The following BCL2L13 variants were observed in gnomAD, a reference collection of about 807,000 sequenced individuals.
BCL2L13 encodes the protein BCL2 like 13.
In BCL2L13, 13 loss-of-function variants were observed where a neutral mutation model predicts 25.8. That is an observed-to-expected ratio of 0.50 (90% CI 0.33 to 0.80). BCL2L13 has a LOEUF of 0.80. BCL2L13 is among the 30% of genes least tolerant of loss of function. BCL2L13 has a pLI of 0.02. For synonymous variants in BCL2L13, 244 were observed against 230.3 expected (o/e 1.06, Z -0.54); for missense variants, 504 against 574.9 (o/e 0.88, Z 1.26).
At chr22:17,651,700 C>CT (rs1601517940) in intron 1 of BCL2L13, among the ~76,000 whole-genome samples, 1 of 143,134 alleles carries the variant, frequency 7.0e-6, no homozygotes, top group African/African-American at 2.6e-5. Context: ...TTCTTAAAGA[C>CT]TTTTTTTTGA....
At chr22:17,715,283 G>A (rs1322861346) in intron 6 of BCL2L13, among the ~76,000 whole-genome samples, 1 of 139,980 alleles carries the variant, frequency 7.1e-6, no homozygotes, top group African/African-American at 2.7e-5. Flanking sequence ...CCAGGCTCTA[G>A]GAATCCTCCT....
At position 17,646,955 on chromosome 22, in the gene BCL2L13, A is replaced by ATT. The variant is rs149460093; in HGVS notation, c.-51+8092_-51+8093dup. 6.8e-3 allele frequency among the ~76,000 whole-genome samples: 151 copies of ATT among 22,188 alleles called. 7 individuals carry two copies. Among genetic ancestry groups the ATT allele is most frequent in the South Asian group, 0.021 (4 of 190 alleles). 14.6% of individuals were successfully genotyped at this position (22,188 alleles called of 152,430 possible). A position where few individuals can be genotyped will look rare whatever the true frequency, so the allele number is the denominator to read the frequency against. On this transcript the variant is annotated intron_variant, in intron 1 of 6. Coordinates refer to ENST00000317582, the MANE Select transcript of BCL2L13 (RefSeq NM_015367.4). ...TACATATATATATATATATATATAT[A>ATT]TTTTTTTTTTTTTTTTTTTTTTTTC...
At chr22:17,689,276 A>AT in intron 4 of BCL2L13, 134 bp downstream of exon 4, 1 of 767,200 alleles carries the variant, frequency 1.3e-6, no homozygotes. Flanking sequence ...CATTTTCTTC[A>AT]TTTTCTTTCC....
intron 3 of BCL2L13, among the ~76,000 whole-genome samples, chr22:17,688,136 T>C (rs1055930878): frequency 2.6e-5 from 4 of 152,108 alleles, no homozygotes; most frequent in Non-Finnish European, 5.9e-5. Context: ...TTTGTATTTT[T>C]AGTAGAGATG....
chr22:17,646,888 T>TTGTG lies in BCL2L13; in HGVS notation c.-51+8034_-51+8037dup, dbSNP rs71201853. On this transcript the variant is annotated intron_variant, in intron 1 of 6. Transcript: ENST00000317582. ...GTGCCTGCCACCACGCCCAGCTAAT[T>TTGTG]TGTGTGTGTGTGTGTGTGTGTGTGT... 3.4e-3 allele frequency among the ~76,000 whole-genome samples: 306 copies of TTGTG among 89,930 alleles called. 3 individuals carry two copies. The highest frequency in any genetic ancestry group is 0.012 in the African/African-American group (273 of 22,414). The allele number at this position is 89,930 out of a possible 152,430, so 59.0% of individuals were successfully genotyped here.
intron 2 of BCL2L13, among the ~76,000 whole-genome samples, chr22:17,681,382 T>G (rs2059750664): frequency 1.3e-5 from 2 of 151,710 alleles, no homozygotes; most frequent in Admixed American, 6.6e-5. Context: ...GGCGGGCGCC[T>G]GTAGTCCCAG....
chr22:17,631,670 G>GTGTATGTATATA (rs1203626385), intron 1 of BCL2L13, among the ~76,000 whole-genome samples: 1 of 26,892 alleles, frequency 3.7e-5, no homozygotes, highest in Non-Finnish European at 6.8e-5. Flanking sequence ...GTGTGTGTGT[G>GTGTATGTATATA]TATATATATA....
rs1569008078 is a variant in BCL2L13, at chr22:17,715,158, A to T, written c.601-11519A>T. ...TATATATATATATATATATATATAT[A>T]TATATATATATATTTTTTTTTTTTT... is the stretch of plus-strand genomic sequence containing the variant. On this transcript the variant is annotated intron_variant, in intron 6 of 6. Transcript: ENST00000317582. Among the ~76,000 whole-genome samples the T allele has an allele frequency of 1.7e-3, 9 of 5,428 alleles. 1 individual carries two copies. The highest frequency in any genetic ancestry group is 0.014 in the South Asian group (1 of 74). 3.6% of individuals were successfully genotyped at this position (5,428 alleles called of 152,430 possible). A position where few individuals can be genotyped will look rare whatever the true frequency, so the allele number is the denominator to read the frequency against.
At chr22:17,712,053 G>C (rs1488791001) in intron 6 of BCL2L13, among the ~76,000 whole-genome samples, 1 of 151,236 alleles carries the variant, frequency 6.6e-6, no homozygotes, top group Non-Finnish European at 1.5e-5. Flanking sequence ...AATTTTTAAT[G>C]TAAGTGAAAG....
At chr22:17,632,545 A>G (rs1306617477) in intron 1 of BCL2L13, among the ~76,000 whole-genome samples, 1 of 152,112 alleles carries the variant, frequency 6.6e-6, no homozygotes, top group Non-Finnish European at 1.5e-5. Context: ...GGTCAGGTTG[A>G]GGTGGAATTA....
chr22:17,717,553 G>T (rs1012106239), intron 6 of BCL2L13, among the ~76,000 whole-genome samples: 29 of 151,972 alleles, frequency 1.9e-4, no homozygotes, highest in African/African-American at 7.0e-4. Flanking sequence ...GCGTCCAAAA[G>T]TGCTGGGATT....
At chr22:17,644,196 A>C (rs1195235310) in intron 1 of BCL2L13, among the ~76,000 whole-genome samples, 5 of 151,468 alleles carry the variant, frequency 3.3e-5, no homozygotes, top group African/African-American at 9.8e-5. Flanking sequence ...AGGCATGAGC[A>C]ACTTTGCCTG....
chr22:17,689,597 C>T (rs2060043763), intron 4 of BCL2L13, among the ~76,000 whole-genome samples: 1 of 152,140 alleles, frequency 6.6e-6, no homozygotes, highest in South Asian at 2.1e-4. Context: ...GTAATCCCAG[C>T]ACTTTGGGAG....
intron 6 of BCL2L13, among the ~76,000 whole-genome samples, chr22:17,725,960 A>G (rs1174114320): frequency 6.6e-6 from 1 of 151,894 alleles, no homozygotes; most frequent in Non-Finnish European, 1.5e-5. Context: ...TTTTGTGTGC[A>G]TGAAGCAGAT....
intron 2 of BCL2L13, among the ~76,000 whole-genome samples, chr22:17,661,109 A>G (rs2059052048): frequency 7.0e-6 from 1 of 143,110 alleles, no homozygotes; most frequent in African/African-American, 2.5e-5. Context: ...CTCTGGAGAT[A>G]ATGCTGGACA....
chr22:17,679,294 A>C (rs2059666215), intron 2 of BCL2L13, among the ~76,000 whole-genome samples: 1 of 95,964 alleles, frequency 1.0e-5, no homozygotes, highest in Admixed American at 1.5e-4. Context: ...TTTTTGAGAC[A>C]GTTTCACCCT....
At chr22:17,703,180 C>A (rs183306777) in intron 6 of BCL2L13, 1 of 151,954 alleles carries the variant, frequency 6.6e-6, no homozygotes, top group Non-Finnish European at 1.5e-5. Flanking sequence ...TATACACACA[C>A]ACACACACAT....
chr22:17,693,333 G>GTTTGTTTATTTA (rs1348100989), intron 4 of BCL2L13, among the ~76,000 whole-genome samples: 6 of 132,130 alleles, frequency 4.5e-5, no homozygotes, highest in African/African-American at 1.8e-4. Flanking sequence ...CTTTGGGGTA[G>GTTTGTTTATTTA]TTTATTTATT....
chr22:17,712,053 G>A (rs1488791001), intron 6 of BCL2L13, among the ~76,000 whole-genome samples: 1 of 151,236 alleles, frequency 6.6e-6, no homozygotes, highest in Non-Finnish European at 1.5e-5. Context: ...AATTTTTAAT[G>A]TAAGTGAAAG....
Sources: allele counts gnomAD v4.1 joint callset (sites outside exome capture counted in the v4.1 genomes callset), GRCh38; gene constraint gnomAD v4.1.1; transcripts MANE v1.5; gene names NCBI Gene and HGNC (gene_info 2026-07-23, HGNC 2026-07-21).